The following HMGA2 variants were observed in gnomAD, a reference collection of about 807,000 sequenced individuals.
HMGA2 encodes high mobility group AT-hook 2.
Under a neutral mutation model 19.1 loss-of-function variants are expected in HMGA2, and 8 were observed. The observed-to-expected ratio is 0.42, with a 90% CI of 0.25 to 0.76. HMGA2 has a LOEUF of 0.76. HMGA2 is among the 30% of genes least tolerant of loss of function. HMGA2 has a pLI of 0.28. For missense variants in HMGA2, 109 were observed against 136.3 expected (o/e 0.80, Z 1.00); for synonymous variants, 60 against 48.8 (o/e 1.23, Z -0.96).
intron 3 of HMGA2, among the ~76,000 whole-genome samples, chr12:65,920,836 G>C (rs1278181201): frequency 6.6e-6 from 1 of 152,142 alleles, no homozygotes; most frequent in Admixed American, 6.5e-5. Flanking sequence ...CAGTAAATTG[G>C]TACCAGGAGA....
chr12:65,938,426 G>A (rs1170266521), intron 3 of HMGA2, among the ~76,000 whole-genome samples: 1 of 152,114 alleles, frequency 6.6e-6, no homozygotes, highest in African/African-American at 2.4e-5. Context: ...TTTATCTACA[G>A]TCTTACAAAT....
chr12:65,876,737 G>A (rs889927685), intron 3 of HMGA2: 1 of 152,120 alleles, frequency 6.6e-6, no homozygotes, highest in African/African-American at 2.4e-5. Flanking sequence ...TTCAAATTAA[G>A]GTTTTGAGTA....
chr12:65,852,824 G>A (rs1159192349), intron 3 of HMGA2, among the ~76,000 whole-genome samples: 1 of 152,122 alleles, frequency 6.6e-6, no homozygotes, highest in Non-Finnish European at 1.5e-5. Context: ...TGATCTATGT[G>A]GTAATAAATA....
chr12:65,934,486 T>C (rs1432130934), intron 3 of HMGA2, among the ~76,000 whole-genome samples: 1 of 152,234 alleles, frequency 6.6e-6, no homozygotes, highest in African/African-American at 2.4e-5. Context: ...GTGATTTTAC[T>C]ATCTAATATG....
chr12:65,899,829 T>G lies in HMGA2; in HGVS notation c.250-51554T>G, dbSNP rs1014573378. The stretch of plus-strand genomic sequence containing the variant: ...ACTGCATCTTAGGAAAGCTGATATT[T>G]TTAGTTCCAAACTACTGGATCACAT... On this transcript the variant is annotated intron_variant, in intron 3 of 4. Transcript: ENST00000403681. Among the ~76,000 whole-genome samples the G allele has an allele frequency of 5.3e-5, 8 of 152,346 alleles. No homozygotes were observed. In the East Asian group the frequency reaches 1.5e-3, roughly 29 times the overall value.
At chr12:65,873,255 A>G (rs1290727370) in intron 3 of HMGA2, among the ~76,000 whole-genome samples, 1 of 152,236 alleles carries the variant, frequency 6.6e-6, no homozygotes, top group African/African-American at 2.4e-5. Context: ...GTATCCAAAG[A>G]ATGAATGTGT....
intron 3 of HMGA2, among the ~76,000 whole-genome samples, chr12:65,883,420 A>C (rs74815867): frequency 0.028 from 4,222 of 152,296 alleles, 211 homozygotes; most frequent in African/African-American, 0.097. Context: ...TGTGCAAAGT[A>C]CTGTCTATAT....
At position 65,842,947 on chromosome 12, in the gene HMGA2, C is replaced by T. The variant is rs558404135; in HGVS notation, c.249+4378C>T. ...TATAAAATCCTCCATCCAGATGTTG[C>T]TTAGTGATGCAGCTAGTGCTTCTGG... On this transcript the variant is annotated intron_variant, in intron 3 of 4. Coordinates refer to ENST00000403681, the MANE Select transcript of HMGA2 (RefSeq NM_003483.6). 4.8e-6 allele frequency: 5 copies of T among 1,043,816 alleles called. No individual in the cohort carries two copies. In the African/African-American group the frequency reaches 8.1e-5, roughly 17 times the overall value. 64.7% of individuals were successfully genotyped at this position (1,043,816 alleles called of 1,614,324 possible).
chr12:65,931,402 C>T (rs1177659759), intron 3 of HMGA2, among the ~76,000 whole-genome samples: 1 of 152,080 alleles, frequency 6.6e-6, no homozygotes, highest in Non-Finnish European at 1.5e-5. Context: ...TACCCCCTCC[C>T]GAAACCATCA....
At chr12:65,931,894 G>T (rs147806105) in intron 3 of HMGA2, among the ~76,000 whole-genome samples, 2 of 152,096 alleles carry the variant, frequency 1.3e-5, no homozygotes, top group Admixed American at 6.5e-5. Context: ...CAGCCTGGGC[G>T]ATAGAGCAAG....
At chr12:65,852,551 G>A (rs147968011) in intron 3 of HMGA2, among the ~76,000 whole-genome samples, 70 of 152,242 alleles carry the variant, frequency 4.6e-4, no homozygotes, top group Non-Finnish European at 9.3e-4. Flanking sequence ...ACAATAGGGT[G>A]AATGAAATTG....
At chr12:65,878,289 G>A (rs1274117015) in intron 3 of HMGA2, among the ~76,000 whole-genome samples, 1 of 152,180 alleles carries the variant, frequency 6.6e-6, no homozygotes, top group Non-Finnish European at 1.5e-5. Context: ...GTAAACAAGG[G>A]ATGCTTGAAG....
In HMGA2 at chr12:65,886,102, G is replaced by T. The variant is rs775024114; in HGVS notation, c.249+47533G>T. On this transcript the variant is annotated intron_variant, in intron 3 of 4. Coordinates refer to ENST00000403681, the MANE Select transcript of HMGA2 (RefSeq NM_003483.6). Reference sequence around the variant, plus strand: ...ACTTTCACTTACAAAAAAATTACTAGGTTAAACTGAATCAAGAAAAAGATC... The same window carrying T: ...ACTTTCACTTACAAAAAAATTACTATGTTAAACTGAATCAAGAAAAAGATC... Among the ~76,000 whole-genome samples, 238 of 152,140 alleles carry T rather than the reference G, an allele frequency of 1.6e-3. 1 individual carries two copies. Among genetic ancestry groups the T allele is most frequent in the Admixed American group, 2.9e-3 (45 of 15,292 alleles).
chr12:65,841,467 A>G (rs1244166312), intron 3 of HMGA2, among the ~76,000 whole-genome samples: 1 of 152,204 alleles, frequency 6.6e-6, no homozygotes, highest in East Asian at 1.9e-4. Context: ...TTGCTTGTAT[A>G]TCTTCTGTTG....
rs188937092 is a variant in HMGA2, at chr12:65,901,232, A to T, written c.250-50151A>T. Among the ~76,000 whole-genome samples, 803 of 152,372 alleles carry T rather than the reference A, an allele frequency of 5.3e-3. 7 individuals are homozygous for T. Among genetic ancestry groups the T allele is most frequent in the African/African-American group, 0.018 (766 of 41,590 alleles). On this transcript the variant is annotated intron_variant, in intron 3 of 4. Transcript: ENST00000403681. ...TGAGAACATTTTAATAATGCAGGTT[A>T]AACAATAATTTCGGCAGCCTTTACA...
At chr12:65,906,742 T>A (rs971734062) in intron 3 of HMGA2, among the ~76,000 whole-genome samples, 1 of 152,148 alleles carries the variant, frequency 6.6e-6, no homozygotes, top group Non-Finnish European at 1.5e-5. Flanking sequence ...AGAAAAAGGT[T>A]AAAAATAACA....
intron 3 of HMGA2, among the ~76,000 whole-genome samples, chr12:65,880,587 G>A (rs947821310): frequency 5.9e-5 from 9 of 152,200 alleles, no homozygotes; most frequent in African/African-American, 1.4e-4. Context: ...TCACACAGCA[G>A]GTAGCATGGA....
At chr12:65,956,594 T>C (rs1247908591) in intron 4 of HMGA2, 2 of 152,222 alleles carry the variant, frequency 1.3e-5, no homozygotes, top group Non-Finnish European at 2.9e-5. Flanking sequence ...AAATGTTTTA[T>C]AGAGATGACA....
chr12:65,941,923 T>C (rs17101918), intron 3 of HMGA2, among the ~76,000 whole-genome samples: 3,504 of 152,348 alleles, frequency 0.023, 130 homozygotes, highest in African/African-American at 0.08. Context: ...AGAAAAGATA[T>C]ACATGTTACA....
Sources: allele counts gnomAD v4.1 joint callset (sites outside exome capture counted in the v4.1 genomes callset), GRCh38; gene constraint gnomAD v4.1.1; transcripts MANE v1.5; gene names NCBI Gene and HGNC (gene_info 2026-07-23, HGNC 2026-07-21).